Variants in ACAN observed in about 807,000 individuals in gnomAD.
ACAN encodes the protein aggrecan, also known as aggrecan core protein.
In ACAN, 47 loss-of-function variants were observed where a neutral mutation model predicts 169.1. That is an observed-to-expected ratio of 0.28 (90% confidence interval 0.22 to 0.35). The LOEUF (loss-of-function observed/expected upper bound fraction) is 0.35, where lower values mean the gene tolerates loss of function less well. Ranked by LOEUF, ACAN falls within the 10% of genes least tolerant of loss-of-function variation. The pLI is 1.00. For synonymous variants in ACAN, 1,115 were observed against 1,112.2 expected (o/e 1.00, Z -0.05); for missense variants, 2,716 against 2,759.9 (o/e 0.98, Z 0.36).
intron 7 of ACAN, 109 bp downstream of exon 7, chr15:88,845,991 G>A (rs1896785407): frequency 1.4e-5 from 17 of 1,230,304 alleles, no homozygotes; most frequent in Non-Finnish European, 1.8e-5. Flanking sequence ...CTGGCACGTG[G>A]GACAATGTTC....
At chr15:88,862,127 C>CA (rs981561460) in intron 13 of ACAN, among the ~76,000 whole-genome samples, 1 of 152,176 alleles carries the variant, frequency 6.6e-6, no homozygotes, top group African/African-American at 2.4e-5. Context: ...TTGCTGGTCT[C>CA]AAAAAACTGA....
In ACAN at chr15:88,807,075, T is replaced by A. The variant is rs991670627; in HGVS notation, c.-8+3266T>A. On this transcript the variant is annotated intron_variant, in intron 1 of 18. Coordinates refer to ENST00000560601, the MANE Select transcript of ACAN (RefSeq NM_001369268.1). This position sits in a 1 kb window ranked among gnomAD's most constrained non-coding sequence, Gnocchi z 4.0. ...ACTATATTGGTCCCAATGATGTTTC[T>A]GTCTCAGAAATTTCAGCATTGTGGC... 2.0e-5 allele frequency among the ~76,000 whole-genome samples: 3 copies of A among 152,202 alleles called. No individual in the cohort carries two copies. Among genetic ancestry groups the A allele is most frequent in the Non-Finnish European group, 2.9e-5 (2 of 68,042 alleles).
intron 1 of ACAN, among the ~76,000 whole-genome samples, chr15:88,804,928 G>A (rs1596106926): frequency 1.3e-5 from 2 of 152,314 alleles, no homozygotes; most frequent in African/African-American, 4.8e-5. Context: ...GCTGCAGTGG[G>A]TGGGTGTCTG....
chr15:88,870,121 C>T lies in ACAN; in HGVS notation c.7061-1261C>T, dbSNP rs566345417. On this transcript the variant is annotated intron_variant, in intron 14 of 18. Coordinates refer to ENST00000560601, the MANE Select transcript of ACAN (RefSeq NM_001369268.1). The surrounding 1 kb of genome is among the most constrained non-coding windows in gnomAD (Gnocchi z 6.3). ...ATAGCTGAGGCACCAGAGGCCTCCA[C>T]GGCCCCTCCTACAGCTCTGTTCTTT... Among the ~76,000 whole-genome samples the T allele has an allele frequency of 2.6e-5, 4 of 152,322 alleles. No homozygotes were observed. The highest frequency in any genetic ancestry group is 1.9e-4 in the East Asian group (1 of 5,190).
chr15:88,840,258 G>A, intron 4 of ACAN, 72 bp downstream of exon 4: 2 of 1,472,170 alleles, frequency 1.4e-6, no homozygotes, highest in Non-Finnish European at 1.8e-6. Flanking sequence ...GGTGCTGGGT[G>A]GAACGTTGGC....
intron 1 of ACAN, among the ~76,000 whole-genome samples, chr15:88,826,713 A>T (rs955504800): frequency 6.6e-6 from 1 of 152,078 alleles, no homozygotes; most frequent in Non-Finnish European, 1.5e-5. Context: ...TTAGTGATGC[A>T]TTTTCCCATC....
At chr15:88,813,495 G>A (rs1895870148) in intron 1 of ACAN, among the ~76,000 whole-genome samples, 2 of 152,204 alleles carry the variant, frequency 1.3e-5, no homozygotes, top group Non-Finnish European at 1.5e-5. Context: ...TGAGGAGAGG[G>A]ATGGCCACTT....
At chr15:88,864,696 T>C (rs1316630813) in intron 13 of ACAN, among the ~76,000 whole-genome samples, 3 of 152,260 alleles carry the variant, frequency 2.0e-5, no homozygotes, top group African/African-American at 4.8e-5. Context: ...TTCATCTTCA[T>C]TGATCCCAGG....
chr15:88,808,314 G>C (rs574730218), intron 1 of ACAN, among the ~76,000 whole-genome samples: 1 of 152,214 alleles, frequency 6.6e-6, no homozygotes, highest in South Asian at 2.1e-4. Context: ...ATCTGGACTG[G>C]GATCTAGACC....
At position 88,870,606 on chromosome 15, in the gene ACAN, C is replaced by T. The variant is rs573476676; in HGVS notation, c.7061-776C>T. On this transcript the variant is annotated intron_variant, in intron 14 of 18. Transcript: ENST00000560601. This position sits in a 1 kb window ranked among gnomAD's most constrained non-coding sequence, Gnocchi z 6.3. ...TGAGTGAGCCAGCTCAGCATGGCTC[C>T]GCCTGTCCCCTAGGCTGTCCAAGAA... Among the ~76,000 whole-genome samples the T allele has an allele frequency of 2.6e-5, 4 of 152,272 alleles. No individual in the cohort carries two copies. Among genetic ancestry groups the T allele is most frequent in the South Asian group, 2.1e-4 (1 of 4,820 alleles).
In ACAN at chr15:88,838,519, G is replaced by C. The variant is rs1896562742; in HGVS notation, c.71-144G>C. The C allele has an allele frequency of 9.5e-7, 1 of 1,052,732 alleles. No homozygotes were observed. The allele number at this position is 1,052,732 out of a possible 1,614,324, so 65.2% of individuals were successfully genotyped here. On this transcript the variant is annotated intron_variant, in intron 2 of 18. Transcript: ENST00000560601. The surrounding 1 kb of genome is among the most constrained non-coding windows in gnomAD (Gnocchi z 5.1). ...TTTCTGGGAATTCCCACATGACACGGGAGCATCCCCATCATAGAGACAGAC... is the reference window on the plus strand; with the variant it reads ...TTTCTGGGAATTCCCACATGACACGCGAGCATCCCCATCATAGAGACAGAC...
At chr15:88,840,293 A>G in intron 4 of ACAN, 107 bp downstream of exon 4, 3 of 1,359,804 alleles carry the variant, frequency 2.2e-6, no homozygotes, top group Non-Finnish European at 2.0e-6. Flanking sequence ...TGCCAGCATG[A>G]CACTGTGGCC....
chr15:88,816,458 T>A (rs8041863), intron 1 of ACAN, among the ~76,000 whole-genome samples: 81,795 of 152,034 alleles, frequency 0.54, 22,668 homozygotes, highest in East Asian at 0.91. Flanking sequence ...TAGAAAGTGT[T>A]TGAATGCCAT....
chr15:88,843,289 C>G lies in ACAN; in HGVS notation c.758-66C>G. On this transcript the variant is annotated intron_variant, in intron 5 of 18. Coordinates refer to ENST00000560601, the MANE Select transcript of ACAN (RefSeq NM_001369268.1). The surrounding 1 kb of genome is among the most constrained non-coding windows in gnomAD (Gnocchi z 4.0). Reference sequence around the variant, plus strand: ...AGACCTCGTGGAAAAGTGTGGATCTCTCTGGGGATGCAGAGCAGGGGGAGG... The same window carrying G: ...AGACCTCGTGGAAAAGTGTGGATCTGTCTGGGGATGCAGAGCAGGGGGAGG... 7.1e-7 allele frequency: 1 copy of G among 1,418,012 alleles called. No individual in the cohort carries two copies. The highest frequency in any genetic ancestry group is 9.3e-7 in the Non-Finnish European group (1 of 1,075,574). The allele number at this position is 1,418,012 out of a possible 1,614,324, so 87.8% of individuals were successfully genotyped here. A position where few individuals can be genotyped will look rare whatever the true frequency, so the allele number is the denominator to read the frequency against.
At chr15:88,840,644 A>G (rs1896629127) in intron 4 of ACAN, among the ~76,000 whole-genome samples, 2 of 152,080 alleles carry the variant, frequency 1.3e-5, no homozygotes, top group African/African-American at 2.4e-5. Context: ...AGGGATCTCA[A>G]TGCACTGTGA....
At chr15:88,840,299 T>C in intron 4 of ACAN, 113 bp downstream of exon 4, 4 of 1,330,478 alleles carry the variant, frequency 3.0e-6, no homozygotes, top group Non-Finnish European at 4.0e-6. Context: ...CATGACACTG[T>C]GGCCAGCCTA....
intron 1 of ACAN, among the ~76,000 whole-genome samples, chr15:88,833,179 G>T (rs1280016341): frequency 6.6e-6 from 1 of 152,178 alleles, no homozygotes; most frequent in African/African-American, 2.4e-5. Context: ...AGGAGGTGAA[G>T]GTTTCCTTGT....
intron 11 of ACAN, among the ~76,000 whole-genome samples, chr15:88,853,019 T>C (rs574432955): frequency 3.2e-4 from 48 of 152,314 alleles, no homozygotes; most frequent in Middle Eastern, 3.4e-3. Flanking sequence ...CCTCCCTCCA[T>C]ATCAGAAGGT....
At position 88,858,429 on chromosome 15, in the gene ACAN, T is replaced by C. The variant is rs765525300; in HGVS notation, c.5844T>C (p.Ala1948=). 1 of 1,613,636 alleles carries C rather than the reference T, an allele frequency of 6.2e-7. No individual in the cohort carries two copies. The highest frequency in any genetic ancestry group is 8.5e-7 in the Non-Finnish European group (1 of 1,179,870). ...DRTLVESVTQ[A]PTAQEAGEGP... Reference sequence around the variant, plus strand: ...CTTTGGTGGAATCTGTAACCCAGGCTCCAACAGCCCAAGAGGCAGGAGAAG... The same window carrying C: ...CTTTGGTGGAATCTGTAACCCAGGCCCCAACAGCCCAAGAGGCAGGAGAAG... Residue 1948 remains alanine (A), a synonymous_variant, in exon 12 of 19, where the codon GCT becomes GCC. Transcript: ENST00000560601. This position sits in a 1 kb window ranked among gnomAD's most constrained non-coding sequence, Gnocchi z 4.0.
Sources: gnomAD v4.1 joint callset for allele counts (sites outside exome capture counted in the v4.1 genomes callset) on GRCh38, gnomAD v4.1.1 for gene constraint, Gnocchi (gnomAD v3.1) non-coding constraint, MANE v1.5 for transcripts, NCBI Gene and HGNC (gene_info 2026-07-23, HGNC 2026-07-21) for gene names.